Variants in WWOX observed in about 807,000 individuals in gnomAD.
WWOX encodes WW domain containing oxidoreductase.
WWOX carries 69 observed loss-of-function variants against 46.2 expected under a neutral mutation model. The observed-to-expected ratio is 1.49, with a 90% confidence interval of 1.23 to 1.82. The LOEUF (loss-of-function observed/expected upper bound fraction) is 1.82. WWOX is among the 40% of genes most tolerant of loss of function. The pLI, the probability that WWOX is intolerant of heterozygous loss-of-function variation, is 0.00. For synonymous variants in WWOX, 359 were observed against 202.6 expected, an observed-to-expected ratio of 1.77 and a Z score of -6.56; for missense variants, 919 against 542.6, an observed-to-expected ratio of 1.69 and a Z score of -6.89.
At chr16:78,384,960 C>T (rs1416571877) in intron 5 of WWOX, among the ~76,000 whole-genome samples, 3 of 152,028 alleles carry the variant, frequency 2.0e-5, no homozygotes, top group Admixed American at 6.6e-5. Flanking sequence ...ATGGTGAAAC[C>T]CCGTCTGTAC....
chr16:78,358,668 TA>T (rs1378005932), intron 5 of WWOX, among the ~76,000 whole-genome samples: 6 of 62,698 alleles, frequency 9.6e-5, no homozygotes, highest in African/African-American at 4.1e-4. Flanking sequence ...AAAAAATAAA[TA>T]ATATGTGTGT....
At chr16:78,565,107 C>G (rs1289932415) in intron 8 of WWOX, among the ~76,000 whole-genome samples, 4 of 152,204 alleles carry the variant, frequency 2.6e-5, no homozygotes, top group Non-Finnish European at 5.9e-5. Flanking sequence ...TTCATTCATT[C>G]ATCAGAGCAG....
rs547236644 is a variant in WWOX, at chr16:78,433,777, CTTTTTTTTTTTTTTT to C, written c.1056+1041_1056+1055del. ...CCTTAACCTTCGTATTTGGGGATGA[CTTTTTTTTTTTTTTT>C]TTTTTTTTTTTTTTTGAGACGGAGT... On this transcript the variant is annotated intron_variant, in intron 8 of 8. Coordinates refer to ENST00000566780, the MANE Select transcript of WWOX (RefSeq NM_016373.4). Among the ~76,000 whole-genome samples, 231 of 84,414 alleles carry C rather than the reference CTTTTTTTTTTTTTTT, an allele frequency of 2.7e-3. 1 individual carries two copies. The highest frequency in any genetic ancestry group is 9.9e-3 in the African/African-American group (214 of 21,586). 55.4% of individuals were successfully genotyped at this position (84,414 alleles called of 152,430 possible).
rs528570432 is a variant in WWOX, at chr16:79,021,431, C to G, written c.1057-190177C>G. Among the ~76,000 whole-genome samples the G allele has an allele frequency of 2.0e-5, 3 of 152,050 alleles. No homozygotes were observed. In the East Asian group the frequency reaches 5.8e-4, roughly 29 times the overall value. On this transcript the variant is annotated intron_variant, in intron 8 of 8. Transcript: ENST00000566780. ...ATAATGGTTTTGAATACATAAAACG[C>G]ACGGGATCACAGAGGAAACCAATCA...
At chr16:78,321,683 G>T (rs1282998798) in intron 5 of WWOX, among the ~76,000 whole-genome samples, 1 of 152,136 alleles carries the variant, frequency 6.6e-6, no homozygotes, top group Admixed American at 6.5e-5. Context: ...AAAAGTAAAT[G>T]ATTGGAAGCC....
chr16:78,595,653 G>C (rs560221499), intron 8 of WWOX, among the ~76,000 whole-genome samples: 98 of 152,326 alleles, frequency 6.4e-4, no homozygotes, highest in African/African-American at 2.3e-3. Flanking sequence ...TTGATGATGA[G>C]CCATACTCAG....
At chr16:78,988,676 A>G (rs572247835) in intron 8 of WWOX, among the ~76,000 whole-genome samples, 71 of 152,340 alleles carry the variant, frequency 4.7e-4, no homozygotes, top group Middle Eastern at 3.4e-3. Context: ...TCAGGCACGA[A>G]GACCAGTACA....
At chr16:78,502,913 C>T (rs958829775) in intron 8 of WWOX, among the ~76,000 whole-genome samples, 9 of 152,182 alleles carry the variant, frequency 5.9e-5, no homozygotes, top group African/African-American at 2.2e-4. Context: ...CTGGGCCTCC[C>T]TGCTTCCAGC....
intron 8 of WWOX, chr16:78,899,734 G>C (rs2062896): frequency 2.6e-5 from 4 of 152,228 alleles, no homozygotes; most frequent in Admixed American, 6.5e-5. Flanking sequence ...AAAGTTTAAG[G>C]AGATCTCTGT....
chr16:79,091,814 C>T (rs962264014), intron 8 of WWOX, among the ~76,000 whole-genome samples: 1 of 124,982 alleles, frequency 8.0e-6, no homozygotes, highest in Non-Finnish European at 1.6e-5. Context: ...CGGAGTCTAG[C>T]TCTGTCACCA....
chr16:78,579,548 G>T (rs2044994887), intron 8 of WWOX, among the ~76,000 whole-genome samples: 2 of 152,148 alleles, frequency 1.3e-5, no homozygotes, highest in African/African-American at 4.8e-5. Flanking sequence ...GTGAGGTGCT[G>T]TGGTGCGCCA....
At chr16:78,652,408 CAAAAA>C (rs747993811) in intron 8 of WWOX, among the ~76,000 whole-genome samples, 2,711 of 107,478 alleles carry the variant, frequency 0.025, 227 homozygotes, top group Admixed American at 0.17. Context: ...GACTCCGTCT[CAAAAA>C]AAAAAAAAAA....
intron 8 of WWOX, among the ~76,000 whole-genome samples, chr16:78,856,525 A>G (rs1189169048): frequency 1.3e-5 from 2 of 152,116 alleles, no homozygotes; most frequent in East Asian, 3.9e-4. Context: ...CCCCTGTAAT[A>G]GCAGCTACTC....
intron 8 of WWOX, chr16:78,898,313 T>TCA (rs2044748453): frequency 6.6e-6 from 1 of 152,136 alleles, no homozygotes; most frequent in Admixed American, 6.5e-5. Flanking sequence ...AAATTAATTT[T>TCA]TGTATATGGT....
chr16:78,545,301 G>A (rs772226511), intron 8 of WWOX, among the ~76,000 whole-genome samples: 3 of 152,134 alleles, frequency 2.0e-5, no homozygotes, highest in Non-Finnish European at 4.4e-5. Context: ...CTGCTTCTGA[G>A]GAAATGGTTA....
chr16:78,390,704 G>C (rs921880332), intron 6 of WWOX, among the ~76,000 whole-genome samples: 1 of 152,142 alleles, frequency 6.6e-6, no homozygotes, highest in African/African-American at 2.4e-5. Flanking sequence ...GTGAATTTAA[G>C]TGCTGGTGAC....
chr16:78,377,829 C>G (rs1025880323), intron 5 of WWOX, among the ~76,000 whole-genome samples: 14 of 152,158 alleles, frequency 9.2e-5, no homozygotes, highest in African/African-American at 2.9e-4. Flanking sequence ...AAGCTGTTAT[C>G]TGGTGCAATT....
intron 8 of WWOX, among the ~76,000 whole-genome samples, chr16:78,770,058 T>G (rs1486519138): frequency 6.7e-6 from 1 of 149,696 alleles, no homozygotes; most frequent in Non-Finnish European, 1.5e-5. Context: ...TAAAATAAAA[T>G]AAAAAAGAGT....
intron 5 of WWOX, among the ~76,000 whole-genome samples, chr16:78,183,970 C>G (rs2035614518): frequency 6.6e-6 from 1 of 152,180 alleles, no homozygotes; most frequent in Non-Finnish European, 1.5e-5. Flanking sequence ...AAAGCCTGCA[C>G]AAACACTTTG....
Sources: gnomAD v4.1 joint callset for allele counts (sites outside exome capture counted in the v4.1 genomes callset) on GRCh38, gnomAD v4.1.1 for gene constraint, MANE v1.5 for transcripts, NCBI Gene and HGNC (gene_info 2026-07-23, HGNC 2026-07-21) for gene names.